The following KCNC2 variants were observed in gnomAD, a reference collection of about 807,000 sequenced individuals.
The protein encoded by KCNC2 is potassium voltage-gated channel subfamily C member 2, also known as voltage-gated potassium channel KCNC2.
In KCNC2, 21 loss-of-function variants were observed where a neutral mutation model predicts 44.5. The observed-to-expected ratio is 0.47, with a 90% confidence interval of 0.33 to 0.68. The LOEUF is 0.68. Among genes scored for constraint, KCNC2 ranks in the 30% least tolerant of loss-of-function variants. The pLI is 0.01. For missense variants in KCNC2, 589 were observed against 826.2 expected (o/e 0.71, Z 3.52); for synonymous variants, 391 against 339.1 (o/e 1.15, Z -1.68).
chr12:75,109,963 G>A (rs1887094640), intron 2 of KCNC2, among the ~76,000 whole-genome samples: 2 of 151,182 alleles, frequency 1.3e-5, no homozygotes, highest in South Asian at 2.1e-4. Flanking sequence ...AAAAATCAAT[G>A]GACAGGAATA....
chr12:75,145,575 C>A (rs1198068039), intron 2 of KCNC2, among the ~76,000 whole-genome samples: 1 of 151,880 alleles, frequency 6.6e-6, no homozygotes, highest in Non-Finnish European at 1.5e-5. Flanking sequence ...ACAGGTTCAA[C>A]CATTCCTTGA....
At chr12:75,111,242 C>T (rs905689018) in intron 2 of KCNC2, among the ~76,000 whole-genome samples, 1 of 152,074 alleles carries the variant, frequency 6.6e-6, no homozygotes, top group African/African-American at 2.4e-5. Flanking sequence ...TCTTCACCCT[C>T]CCTTCATCCT....
chr12:75,205,888 C>T (rs1476785266), intron 2 of KCNC2, among the ~76,000 whole-genome samples: 1 of 123,280 alleles, frequency 8.1e-6, no homozygotes, highest in Non-Finnish European at 1.7e-5. Flanking sequence ...GAATTTATGG[C>T]ATGGCCTGAA....
At chr12:75,196,916 C>T (rs927156294) in intron 2 of KCNC2, among the ~76,000 whole-genome samples, 1 of 152,078 alleles carries the variant, frequency 6.6e-6, no homozygotes, top group Non-Finnish European at 1.5e-5. Context: ...AGTTCTAATA[C>T]TGGTCTAAGC....
intron 2 of KCNC2, among the ~76,000 whole-genome samples, chr12:75,078,377 G>T (rs1280873381): frequency 6.6e-6 from 1 of 152,114 alleles, no homozygotes; most frequent in Non-Finnish European, 1.5e-5. Flanking sequence ...TCAACATTCA[G>T]TTTGATATTT....
intron 2 of KCNC2, among the ~76,000 whole-genome samples, chr12:75,141,795 G>A (rs1889673180): frequency 6.6e-6 from 1 of 152,088 alleles, no homozygotes; most frequent in African/African-American, 2.4e-5. Context: ...ATGTACCAGA[G>A]TAAAAAATTT....
chr12:75,087,557 C>T (rs867202353), intron 2 of KCNC2, among the ~76,000 whole-genome samples: 4 of 152,038 alleles, frequency 2.6e-5, no homozygotes, highest in African/African-American at 7.2e-5. Flanking sequence ...TTTTGAGAGT[C>T]GTGACCTTTA....
chr12:75,126,376 T>G (rs1360143405), intron 2 of KCNC2, among the ~76,000 whole-genome samples: 1 of 152,230 alleles, frequency 6.6e-6, no homozygotes, highest in Non-Finnish European at 1.5e-5. Context: ...AACAAATTTT[T>G]ACTAAACTAC....
chr12:75,194,605 C>T (rs1355729770), intron 2 of KCNC2, among the ~76,000 whole-genome samples: 6 of 151,982 alleles, frequency 3.9e-5, no homozygotes, highest in Admixed American at 2.6e-4. Context: ...TATAAAGTGA[C>T]GTGGAAACTC....
Position 75,048,262 on chromosome 12 carries a change from C to A in KCNC2, c.1671G>T (p.Arg557Ser). 1 of 1,612,962 alleles carries A rather than the reference C, an allele frequency of 6.2e-7. No homozygotes were observed. The highest frequency in any genetic ancestry group is 2.2e-5 in the East Asian group (1 of 44,828). The change falls in exon 4 of 5, where the codon AGG becomes AGT. Residue 557 changes from arginine (R) to serine (S), a missense_variant. This residue lies in a region of KCNC2 where 171 missense variants were observed against 182.4 expected (regional missense o/e 0.94). Transcript: ENST00000549446. The stretch of plus-strand genomic sequence containing the variant: ...TGGTACTAGAGCGTCTGATGGGGAG[C>A]CTTTCTGGGGGTGATAGTGGCGGCT... ...GSEPPLSPPERLPIRRSSTRD... is the reference protein window; with the variant it reads ...GSEPPLSPPESLPIRRSSTRD...
chr12:75,141,610 T>A (rs75146290), intron 2 of KCNC2, among the ~76,000 whole-genome samples: 3,566 of 151,170 alleles, frequency 0.024, 143 homozygotes, highest in African/African-American at 0.082. Flanking sequence ...TTTTAAAAAA[T>A]TTATTCATTT....
At chr12:75,174,748 A>G (rs527789714) in intron 2 of KCNC2, among the ~76,000 whole-genome samples, 7 of 151,920 alleles carry the variant, frequency 4.6e-5, no homozygotes, top group Non-Finnish European at 7.4e-5. Context: ...GAAACTCCCC[A>G]AAGTTATGTT....
chr12:75,063,459 T>G (rs903245518), intron 2 of KCNC2, among the ~76,000 whole-genome samples: 1 of 152,008 alleles, frequency 6.6e-6, no homozygotes, highest in Non-Finnish European at 1.5e-5. Context: ...ATTATTAGCC[T>G]TCCCAGAGAA....
chr12:75,162,023 C>T (rs1891154542), intron 2 of KCNC2, among the ~76,000 whole-genome samples: 1 of 151,554 alleles, frequency 6.6e-6, no homozygotes, highest in African/African-American at 2.4e-5. Flanking sequence ...TACTTGGACC[C>T]ACCAAGAGCC....
chr12:75,041,486 G>A lies in KCNC2; in HGVS notation c.*1619C>T. 1 of 1,201,838 alleles carries A rather than the reference G, an allele frequency of 8.3e-7. No individual in the cohort carries two copies. Among genetic ancestry groups the A allele is most frequent in the Non-Finnish European group, 1.0e-6 (1 of 957,204 alleles). The allele number at this position is 1,201,838 out of a possible 1,614,324, so 74.4% of individuals were successfully genotyped here. A position where few individuals can be genotyped will look rare whatever the true frequency, so the allele number is the denominator to read the frequency against. Reference sequence around the variant, plus strand: ...AAACATGAGAAATAGGAATTAATCAGCAGTCTCAAGGCTCCCAAATGCCTT... The same window carrying A: ...AAACATGAGAAATAGGAATTAATCAACAGTCTCAAGGCTCCCAAATGCCTT... On this transcript the variant is annotated 3_prime_UTR_variant, in exon 5 of 5. Transcript: ENST00000549446.
At chr12:75,204,615 T>C (rs1036752146) in intron 2 of KCNC2, among the ~76,000 whole-genome samples, 2 of 152,132 alleles carry the variant, frequency 1.3e-5, no homozygotes, top group African/African-American at 4.8e-5. Context: ...CTCATGATAA[T>C]AAGAACTGAA....
chr12:75,080,579 G>T (rs1452960412), intron 2 of KCNC2, among the ~76,000 whole-genome samples: 1 of 152,078 alleles, frequency 6.6e-6, no homozygotes, highest in Non-Finnish European at 1.5e-5. Context: ...GTAGCGAAAA[G>T]GCTGAAGTGG....
intron 2 of KCNC2, among the ~76,000 whole-genome samples, chr12:75,147,350 C>T (rs1021161409): frequency 3.9e-5 from 6 of 152,012 alleles, no homozygotes; most frequent in Non-Finnish European, 8.8e-5. Flanking sequence ...TTCAATGAAG[C>T]TCTGATTATT....
At chr12:75,208,263 G>T (rs1593105153) in intron 1 of KCNC2, among the ~76,000 whole-genome samples, 1 of 151,910 alleles carries the variant, frequency 6.6e-6, no homozygotes, top group Non-Finnish European at 1.5e-5. Context: ...CCTGCCTCCC[G>T]CTTTCCTTTC....
Sources: allele counts gnomAD v4.1 joint callset (sites outside exome capture counted in the v4.1 genomes callset), GRCh38; gene constraint gnomAD v4.1.1; regional missense constraint gnomAD v4.1.1; transcripts MANE v1.5; gene names NCBI Gene and HGNC (gene_info 2026-07-23, HGNC 2026-07-21).